Variants in TRMT11 observed in about 807,000 individuals in gnomAD.
TRMT11 encodes tRNA (guanine(10)-N(2))-methyltransferase TRMT11.
TRMT11 carries 53 observed loss-of-function variants against 62.8 expected under a neutral mutation model. The observed-to-expected ratio is 0.84, with a 90% CI of 0.68 to 1.06. The LOEUF is 1.06. Ranked by LOEUF, TRMT11 falls within the 50% of genes least tolerant of loss-of-function variation. The pLI is 0.00. For missense variants in TRMT11, 556 were observed against 553.4 expected (o/e 1.00, Z -0.05); for synonymous variants, 188 against 190.3 (o/e 0.99, Z 0.10).
At chr6:126,241,314 T>C in the TRMT11 span, among the ~76,000 whole-genome samples, 1 of 152,192 alleles carries the variant, frequency 6.6e-6, no homozygotes, top group Non-Finnish European at 1.5e-5. Context: ...ACAGGAGCTG[T>C]TCCTATTCGG....
intron 7 of TRMT11, among the ~76,000 whole-genome samples, chr6:126,000,037 G>T (rs1430008937): frequency 6.6e-6 from 1 of 152,178 alleles, no homozygotes; most frequent in African/African-American, 2.4e-5. Flanking sequence ...TGTATATGTG[G>T]ATGGAGAAAA....
At chr6:126,231,630 C>G in the TRMT11 span, among the ~76,000 whole-genome samples, 3 of 152,262 alleles carry the variant, frequency 2.0e-5, no homozygotes, top group South Asian at 4.1e-4. Context: ...ACATTGGAAA[C>G]AAGCACATGA....
intron 3 of TRMT11, among the ~76,000 whole-genome samples, chr6:125,996,336 A>G (rs958778228): frequency 1.3e-5 from 2 of 152,268 alleles, no homozygotes; most frequent in Non-Finnish European, 2.9e-5. Flanking sequence ...TAGATGCCAC[A>G]TATAATTATA....
the TRMT11 span, among the ~76,000 whole-genome samples, chr6:126,236,966 G>T: frequency 6.6e-6 from 1 of 151,980 alleles, no homozygotes; most frequent in South Asian, 2.1e-4. Flanking sequence ...TCACTCACAG[G>T]AAATCTTTCT....
chr6:126,245,809 C>A, the TRMT11 span, among the ~76,000 whole-genome samples: 1 of 152,012 alleles, frequency 6.6e-6, no homozygotes, highest in Admixed American at 6.6e-5. Flanking sequence ...ACCAAAAAAC[C>A]GTTATAGGCT....
intron 17 of TRMT11, among the ~76,000 whole-genome samples, chr6:126,059,666 C>G (rs1361718075): frequency 6.6e-6 from 1 of 152,170 alleles, no homozygotes; most frequent in African/African-American, 2.4e-5. Flanking sequence ...ATTCACAAAG[C>G]TTAAGCAACT....
chr6:126,204,068 G>T (rs1458295010), downstream of TRMT11, among the ~76,000 whole-genome samples: 1 of 151,968 alleles, frequency 6.6e-6, no homozygotes, highest in Admixed American at 6.6e-5. Context: ...GTTTCCATGT[G>T]CAAGAAAACT....
chr6:126,170,807 T>A (rs2128235744), intron 21 of TRMT11, among the ~76,000 whole-genome samples: 1 of 152,202 alleles, frequency 6.6e-6, no homozygotes, highest in African/African-American at 2.4e-5. Context: ...TTTTACTAAG[T>A]GAAAATAAGT....
chr6:126,161,734 C>G (rs916074385), intron 21 of TRMT11, among the ~76,000 whole-genome samples: 1 of 152,196 alleles, frequency 6.6e-6, no homozygotes, highest in Admixed American at 6.5e-5. Context: ...TCCACATTCT[C>G]TCCAGCATCT....
At chr6:126,240,742 A>G in the TRMT11 span, among the ~76,000 whole-genome samples, 1 of 152,234 alleles carries the variant, frequency 6.6e-6, no homozygotes, top group Non-Finnish European at 1.5e-5. Context: ...AATCTGTCAG[A>G]CAGAGACATT....
At chr6:126,184,885 G>T (rs539831893) in intron 1 of TRMT11, among the ~76,000 whole-genome samples, 1 of 152,268 alleles carries the variant, frequency 6.6e-6, no homozygotes, top group East Asian at 1.9e-4. Flanking sequence ...GAATTTCCTT[G>T]TCCAAAAACA....
At chr6:126,056,885 T>G (rs1207477108) in intron 17 of TRMT11, among the ~76,000 whole-genome samples, 2 of 152,152 alleles carry the variant, frequency 1.3e-5, no homozygotes, top group African/African-American at 4.8e-5. Context: ...GGCTTTCACT[T>G]CTGTGTGCCT....
At position 126,127,486 on chromosome 6, in the gene TRMT11, C is replaced by CT. The variant is rs201872521; in HGVS notation, c.*1823+11641dup. ...TTATTTAAAGAAGAGCCATCCAAAT[C>CT]TTTTTTTTTTAATTATACTTTAAGT... On this transcript the variant is annotated intron_variant and NMD_transcript_variant, in intron 21 of 22. Transcript: ENST00000648977. Among the ~76,000 whole-genome samples, 31 of 149,138 alleles carry CT rather than the reference C, an allele frequency of 2.1e-4. 1 individual carries two copies. The highest frequency in any genetic ancestry group is 4.4e-4 in the African/African-American group (18 of 40,760).
intron 8 of TRMT11, among the ~76,000 whole-genome samples, chr6:126,009,591 T>C (rs1441745985): frequency 6.6e-6 from 1 of 152,056 alleles, no homozygotes; most frequent in Non-Finnish European, 1.5e-5. Context: ...CTTTATTTTC[T>C]TTTGTGGAAG....
At chr6:126,163,814 G>A (rs1363513877) in intron 21 of TRMT11, among the ~76,000 whole-genome samples, 1 of 152,112 alleles carries the variant, frequency 6.6e-6, no homozygotes, top group African/African-American at 2.4e-5. Flanking sequence ...GGGATCAGTG[G>A]TGATATTCCC....
intron 17 of TRMT11, among the ~76,000 whole-genome samples, chr6:126,104,837 T>C (rs983489937): frequency 8.5e-5 from 13 of 152,228 alleles, no homozygotes; most frequent in Non-Finnish European, 1.9e-4. Flanking sequence ...CGAGTTCTTC[T>C]TTTTTCATTG....
At chr6:126,093,931 T>A (rs1156290812) in intron 17 of TRMT11, among the ~76,000 whole-genome samples, 1 of 152,116 alleles carries the variant, frequency 6.6e-6, no homozygotes, top group East Asian at 1.9e-4. Flanking sequence ...CAAAATGCTT[T>A]ACTCAGCTTC....
At chr6:126,052,079 A>G (rs900724141) in intron 16 of TRMT11, among the ~76,000 whole-genome samples, 4 of 152,208 alleles carry the variant, frequency 2.6e-5, no homozygotes, top group African/African-American at 9.6e-5. Flanking sequence ...CAAGAAATTT[A>G]TACTAGAATT....
chr6:126,263,598 T>C, the TRMT11 span, among the ~76,000 whole-genome samples: 1 of 152,236 alleles, frequency 6.6e-6, no homozygotes, highest in African/African-American at 2.4e-5. Flanking sequence ...TGGACAAAAC[T>C]TAGAAGGTTC....
Sources: gnomAD v4.1 joint callset for allele counts (sites outside exome capture counted in the v4.1 genomes callset) on GRCh38, gnomAD v4.1.1 for gene constraint, MANE v1.5 for transcripts, NCBI Gene and HGNC (gene_info 2026-07-23, HGNC 2026-07-21) for gene names.